The following EML4 variants were observed in gnomAD, a reference collection of about 807,000 sequenced individuals.
The protein encoded by EML4 is EMAP like 4.
Under a neutral mutation model 129.0 loss-of-function variants are expected in EML4, and 72 were observed. The ratio of observed to expected loss-of-function variants is 0.56; its 90% CI spans 0.46 to 0.68. EML4 has a LOEUF of 0.68. Ranked by LOEUF, EML4 falls within the 30% of genes least tolerant of loss-of-function variation. The probability of loss-of-function intolerance (pLI) is 0.00; values close to 1 mark genes in which losing one functional copy is unlikely to be tolerated. For missense variants in EML4, 1,363 were observed against 1,190.6 expected (o/e 1.14, Z -2.13); for synonymous variants, 532 against 405.0 (o/e 1.31, Z -3.77).
intron 1 of EML4, among the ~76,000 whole-genome samples, chr2:42,237,504 T>C (rs181466205): frequency 2.6e-4 from 40 of 152,258 alleles, no homozygotes; most frequent in African/African-American, 4.3e-4. Flanking sequence ...GGTGGAGATA[T>C]GGGCTTTAAT....
chr2:42,294,501 G>C (rs892540723), intron 11 of EML4, among the ~76,000 whole-genome samples: 3 of 152,214 alleles, frequency 2.0e-5, no homozygotes, highest in Non-Finnish European at 4.4e-5. Flanking sequence ...TTCGAGCCCA[G>C]CCTAGCCAAC....
chr2:42,207,609 A>G (rs998936355), intron 1 of EML4, among the ~76,000 whole-genome samples: 6 of 152,222 alleles, frequency 3.9e-5, no homozygotes, highest in Non-Finnish European at 7.3e-5. Context: ...TTTAGTTAAC[A>G]GGCAACTTAT....
intron 6 of EML4, among the ~76,000 whole-genome samples, chr2:42,271,479 G>A (rs565875198): frequency 1.2e-4 from 18 of 151,960 alleles, no homozygotes; most frequent in Non-Finnish European, 2.4e-4. Context: ...CAGTCTTCCA[G>A]ATTAAAATAT....
chr2:42,239,886 A>G (rs768946413), intron 1 of EML4, among the ~76,000 whole-genome samples: 8 of 152,080 alleles, frequency 5.3e-5, no homozygotes, highest in Non-Finnish European at 1.2e-4. Context: ...GTTTATTGTG[A>G]ATGAGAATGG....
intron 3 of EML4, among the ~76,000 whole-genome samples, chr2:42,259,723 T>G (rs59281023): frequency 3.2e-5 from 2 of 62,142 alleles, no homozygotes; most frequent in South Asian, 1.4e-3. Context: ...TCTTTCTTTC[T>G]TTTTTTTTTT....
chr2:42,279,417 T>G (rs1444658306), intron 6 of EML4, among the ~76,000 whole-genome samples: 4 of 151,916 alleles, frequency 2.6e-5, no homozygotes, highest in South Asian at 2.1e-4. Context: ...ACCAGCAGTG[T>G]ACAAGGGTCC....
At chr2:42,199,124 A>C (rs542320049) in intron 1 of EML4, among the ~76,000 whole-genome samples, 1 of 152,212 alleles carries the variant, frequency 6.6e-6, no homozygotes, top group Non-Finnish European at 1.5e-5. Flanking sequence ...TAAAGGGTGA[A>C]GTGTGATGGG....
At chr2:42,275,976 G>C (rs1257740153) in intron 6 of EML4, among the ~76,000 whole-genome samples, 1 of 152,056 alleles carries the variant, frequency 6.6e-6, no homozygotes, top group East Asian at 1.9e-4. Flanking sequence ...AGTGAAGACA[G>C]GTAGAAAGTA....
At chr2:42,188,769 G>C (rs1206913775) in intron 1 of EML4, among the ~76,000 whole-genome samples, 4 of 152,054 alleles carry the variant, frequency 2.6e-5, no homozygotes, top group Non-Finnish European at 5.9e-5. Context: ...CAGGTGATCT[G>C]CCCACCTTGG....
chr2:42,202,502 A>G (rs1029992947), intron 1 of EML4, among the ~76,000 whole-genome samples: 1 of 152,228 alleles, frequency 6.6e-6, no homozygotes, highest in Non-Finnish European at 1.5e-5. Context: ...ATTGACTCAC[A>G]TGATCACAAA....
At position 42,245,674 on chromosome 2, in the gene EML4, A is replaced by C; in HGVS notation, c.195A>C (p.Ser65=). ...ATCATGTGGCCTCAGTGAAAAAATC[A>C]GTCTCAAGTAAAGGTAATTGTGTTG... The part of the protein sequence containing the change: ...SEDHVASVKK[S]VSSKGQPSPR... The change falls in exon 2 of 23, where the codon TCA becomes TCC. Residue 65 remains serine, a synonymous_variant. Transcript: ENST00000318522. 1 of 1,609,020 alleles carries C rather than the reference A, an allele frequency of 6.2e-7. No individual in the cohort carries two copies. Among genetic ancestry groups the C allele is most frequent in the Non-Finnish European group, 8.5e-7 (1 of 1,177,668 alleles).
intron 1 of EML4, among the ~76,000 whole-genome samples, chr2:42,233,614 C>CAT (rs1169518007): frequency 4.6e-5 from 7 of 151,964 alleles, no homozygotes; most frequent in Non-Finnish European, 1.5e-5. Flanking sequence ...GCCCCTATTA[C>CAT]AGGTTTCTTA....
chr2:42,294,296 A>T (rs1390641473), intron 11 of EML4, among the ~76,000 whole-genome samples: 5 of 152,108 alleles, frequency 3.3e-5, no homozygotes, highest in Non-Finnish European at 7.4e-5. Flanking sequence ...GCCCTCTGGG[A>T]ATGTTTTTGT....
intron 9 of EML4, among the ~76,000 whole-genome samples, chr2:42,285,156 G>A (rs568355292): frequency 5.0e-4 from 76 of 152,164 alleles, no homozygotes; most frequent in Middle Eastern, 3.4e-3. Context: ...TGATCCTCCA[G>A]CCTTGGCCTC....
Position 42,330,671 on chromosome 2 carries a change from T to C in EML4, c.*464T>C. The C allele has an allele frequency of 3.8e-6, 1 of 262,376 alleles. No homozygotes were observed. Among genetic ancestry groups the C allele is most frequent in the Non-Finnish European group, 7.5e-6 (1 of 133,748 alleles). 16.3% of individuals were successfully genotyped at this position (262,376 alleles called of 1,614,324 possible). Reference sequence around the variant, plus strand: ...AAACCAGAAAAAAATGTACTCTTACTGAGATACCCTCTCACCCCAAATGTG... The same window carrying C: ...AAACCAGAAAAAAATGTACTCTTACCGAGATACCCTCTCACCCCAAATGTG... On this transcript the variant is annotated 3_prime_UTR_variant, in exon 23 of 23. Transcript: ENST00000318522.
intron 13 of EML4, among the ~76,000 whole-genome samples, chr2:42,296,076 A>G (rs1489395147): frequency 2.0e-5 from 3 of 152,290 alleles, no homozygotes; most frequent in African/African-American, 7.2e-5. Context: ...GCCCTTTTCT[A>G]CGGTAAATGA....
At chr2:42,207,095 A>G (rs1011280807) in intron 1 of EML4, among the ~76,000 whole-genome samples, 18 of 152,226 alleles carry the variant, frequency 1.2e-4, no homozygotes, top group Admixed American at 2.6e-4. Flanking sequence ...TTTTCAATAT[A>G]GTTCTGTAGA....
At chr2:42,213,385 T>C (rs1472443352) in intron 1 of EML4, among the ~76,000 whole-genome samples, 1 of 152,238 alleles carries the variant, frequency 6.6e-6, no homozygotes, top group Non-Finnish European at 1.5e-5. Flanking sequence ...ATTATGTTTG[T>C]ACAATTTGTG....
intron 1 of EML4, among the ~76,000 whole-genome samples, chr2:42,223,597 T>G (rs1673761264): frequency 6.6e-6 from 1 of 152,136 alleles, no homozygotes; most frequent in South Asian, 2.1e-4. Flanking sequence ...GAAGTAACCA[T>G]TTTTTAGTCT....
Sources: gnomAD v4.1 joint callset for allele counts (sites outside exome capture counted in the v4.1 genomes callset) on GRCh38, gnomAD v4.1.1 for gene constraint, MANE v1.5 for transcripts, NCBI Gene and HGNC (gene_info 2026-07-23, HGNC 2026-07-21) for gene names.